Variants in SHC4 observed in about 807,000 individuals in gnomAD.
SHC4 encodes SHC adaptor protein 4, also known as SHC-transforming protein 4.
In SHC4, 41 loss-of-function variants were observed where a neutral mutation model predicts 69.4. The ratio of observed to expected loss-of-function variants is 0.59; its 90% CI spans 0.46 to 0.77. SHC4 has a LOEUF of 0.77. SHC4 is among the 30% of genes least tolerant of loss of function. The pLI, the probability that SHC4 is intolerant of heterozygous loss-of-function variation, is 0.00. For missense variants in SHC4, 777 were observed against 783.8 expected, an observed-to-expected ratio of 0.99 and a Z score of 0.10; for synonymous variants, 318 against 299.3, an observed-to-expected ratio of 1.06 and a Z score of -0.64.
intron 1 of SHC4, among the ~76,000 whole-genome samples, chr15:48,928,395 GA>G (rs1900894497): frequency 1.3e-5 from 2 of 152,080 alleles, no homozygotes; most frequent in African/African-American, 4.8e-5. Context: ...AAGGAAAGGA[GA>G]GTACAGAACA....
chr15:48,928,590 A>G (rs897820476), intron 1 of SHC4, among the ~76,000 whole-genome samples: 1 of 152,160 alleles, frequency 6.6e-6, no homozygotes, highest in African/African-American at 2.4e-5. Flanking sequence ...TTGGTTATCA[A>G]TGAGGAGAGG....
chr15:48,904,999 TCCTGTTGAGCCAGGGA>T (rs1316400748), intron 2 of SHC4, among the ~76,000 whole-genome samples: 2 of 151,164 alleles, frequency 1.3e-5, no homozygotes, highest in Non-Finnish European at 2.9e-5. Flanking sequence ...CCAAACACTC[TCCTGTTGAGCCAGGGA>T]CCTGACCTAA....
chr15:48,881,794 T>A (rs1899951180), intron 4 of SHC4, among the ~76,000 whole-genome samples: 2 of 152,164 alleles, frequency 1.3e-5, no homozygotes, highest in Non-Finnish European at 2.9e-5. Context: ...TAACTTACCC[T>A]TGCAAAAATG....
intron 2 of SHC4, among the ~76,000 whole-genome samples, chr15:48,912,459 C>G (rs1900524471): frequency 6.6e-6 from 1 of 152,144 alleles, no homozygotes; most frequent in African/African-American, 2.4e-5. Flanking sequence ...TTTCTTTAAG[C>G]TATCTACTTC....
At chr15:48,942,233 G>T (rs1230047344) in intron 1 of SHC4, among the ~76,000 whole-genome samples, 1 of 152,040 alleles carries the variant, frequency 6.6e-6, no homozygotes, top group Non-Finnish European at 1.5e-5. Flanking sequence ...GACACTATTT[G>T]TCCCAACCCC....
chr15:48,950,931 T>C (rs190994987), intron 1 of SHC4, among the ~76,000 whole-genome samples: 53 of 152,198 alleles, frequency 3.5e-4, no homozygotes, highest in African/African-American at 1.3e-3. Flanking sequence ...GATTTTGACA[T>C]GGTTTTGACC....
intron 11 of SHC4, among the ~76,000 whole-genome samples, chr15:48,829,993 A>G (rs1407800886): frequency 1.3e-5 from 2 of 152,210 alleles, no homozygotes; most frequent in East Asian, 1.9e-4. Flanking sequence ...TTTTTAATCA[A>G]TTCAGCCACT....
chr15:48,832,157 A>G (rs1218122439), intron 11 of SHC4, among the ~76,000 whole-genome samples: 1 of 152,156 alleles, frequency 6.6e-6, no homozygotes, highest in Non-Finnish European at 1.5e-5. Context: ...CTGTAATCCT[A>G]GCTACTTGGG....
In SHC4 at chr15:48,908,974, A is replaced by G. The variant is rs527721434; in HGVS notation, c.656+15905T>C. ...GGCACTATAGTATCGTTTGAAATCA[A>G]GTAATGTGATGCCTCCAGATTTGTT... On this transcript the variant is annotated intron_variant, in intron 2 of 11. Transcript: ENST00000332408. Among the ~76,000 whole-genome samples, 69 of 152,210 alleles carry G rather than the reference A, an allele frequency of 4.5e-4. 1 individual carries two copies. Among genetic ancestry groups the G allele is most frequent in the African/African-American group, 1.6e-3 (68 of 41,542 alleles).
At chr15:48,922,399 G>A (rs985866255) in intron 2 of SHC4, among the ~76,000 whole-genome samples, 2 of 152,160 alleles carry the variant, frequency 1.3e-5, no homozygotes, top group African/African-American at 4.8e-5. Context: ...CCCCAGACTG[G>A]GTAATGAATA....
chr15:48,946,625 A>G (rs1901281723), intron 1 of SHC4: 1 of 983,204 alleles, frequency 1.0e-6, no homozygotes, highest in African/African-American at 1.7e-5. Flanking sequence ...CACTTGTTTC[A>G]TGTTGAGATT....
intron 11 of SHC4, 44 bp downstream of exon 11, chr15:48,834,725 T>C (rs145284711): frequency 1.2e-6 from 2 of 1,604,910 alleles, no homozygotes; most frequent in Admixed American, 3.4e-5. Flanking sequence ...GTATGCTTAA[T>C]AGAACAACAT....
chr15:48,868,001 A>T, intron 5 of SHC4, 132 bp from the exon 6 acceptor site: 2 of 687,124 alleles, frequency 2.9e-6, no homozygotes, highest in South Asian at 3.9e-5. Flanking sequence ...CAAGAAAAGC[A>T]TTGTAAAAGG....
intron 2 of SHC4, among the ~76,000 whole-genome samples, chr15:48,898,964 A>G (rs541196625): frequency 1.6e-3 from 236 of 152,180 alleles, no homozygotes; most frequent in Middle Eastern, 6.8e-3. Flanking sequence ...AAATATTCAA[A>G]ATATTATGAA....
chr15:48,907,703 T>C (rs996280575), intron 2 of SHC4, among the ~76,000 whole-genome samples: 8 of 152,016 alleles, frequency 5.3e-5, no homozygotes, highest in African/African-American at 1.9e-4. Context: ...AATAATAGTC[T>C]CCAGTCTCAT....
intron 4 of SHC4, among the ~76,000 whole-genome samples, chr15:48,883,680 G>C (rs1033113005): frequency 6.6e-6 from 1 of 152,210 alleles, no homozygotes. Context: ...TGTTCTTTGA[G>C]AAATGAGGTT....
intron 1 of SHC4, among the ~76,000 whole-genome samples, chr15:48,927,784 T>C (rs138298898): frequency 6.6e-6 from 1 of 152,222 alleles, no homozygotes; most frequent in African/African-American, 2.4e-5. Flanking sequence ...CTTCTCATCT[T>C]TCAGGTTTCA....
chr15:48,890,492 G>C (rs1413144681), intron 3 of SHC4, among the ~76,000 whole-genome samples: 1 of 152,118 alleles, frequency 6.6e-6, no homozygotes, highest in East Asian at 1.9e-4. Flanking sequence ...AGCCAACTCT[G>C]GCACCCTACA....
In SHC4 at chr15:48,907,415, G is replaced by GT. The variant is rs895563656; in HGVS notation, c.657-16605dup. Among the ~76,000 whole-genome samples, 86 of 150,118 alleles carry GT rather than the reference G, an allele frequency of 5.7e-4. 1 individual carries two copies. The highest frequency in any genetic ancestry group is 2.0e-3 in the African/African-American group (81 of 40,900). On this transcript the variant is annotated intron_variant, in intron 2 of 11. Transcript: ENST00000332408. ...TTTTTGTATTTTTTTTGAAGTCTGT[G>GT]TTTTTTTTTCCATAAGTTATTGGGG...
Sources: gnomAD v4.1 joint callset for allele counts (sites outside exome capture counted in the v4.1 genomes callset) on GRCh38, gnomAD v4.1.1 for gene constraint, MANE v1.5 for transcripts, NCBI Gene and HGNC (gene_info 2026-07-23, HGNC 2026-07-21) for gene names.